The following DYTN variants were observed in gnomAD, a reference collection of about 807,000 sequenced individuals.
The protein encoded by DYTN is dystrotelin.
A neutral mutation model predicts 69.6 loss-of-function variants in DYTN; 75 were observed. The observed-to-expected ratio is 1.08, with a 90% CI of 0.89 to 1.31. DYTN has a LOEUF of 1.31. Ranked by LOEUF, DYTN falls within the 50% of genes most tolerant of loss-of-function variation. DYTN has a pLI of 0.00. For missense variants in DYTN, 726 were observed against 688.4 expected, an observed-to-expected ratio of 1.05 and a Z score of -0.61; for synonymous variants, 252 against 249.1, an observed-to-expected ratio of 1.01 and a Z score of -0.11.
At chr2:206,715,483 T>C (rs1392257274) in intron 1 of DYTN, among the ~76,000 whole-genome samples, 1 of 152,178 alleles carries the variant, frequency 6.6e-6, no homozygotes, top group Non-Finnish European at 1.5e-5. Context: ...GAGATAATTG[T>C]GTCTCCTTGG....
At chr2:206,654,564 A>G (rs1465650062) in intron 11 of DYTN, among the ~76,000 whole-genome samples, 1 of 152,164 alleles carries the variant, frequency 6.6e-6, no homozygotes, top group Non-Finnish European at 1.5e-5. Context: ...GGCTATTGGT[A>G]GTTAAGTTTT....
intron 9 of DYTN, among the ~76,000 whole-genome samples, chr2:206,679,484 G>A (rs746059617): frequency 5.3e-5 from 8 of 152,178 alleles, no homozygotes; most frequent in Non-Finnish European, 8.8e-5. Context: ...GACATTAGGA[G>A]TTATAAATGC....
chr2:206,674,967 C>T (rs1699667551), intron 9 of DYTN, among the ~76,000 whole-genome samples: 2 of 151,682 alleles, frequency 1.3e-5, no homozygotes, highest in Non-Finnish European at 2.9e-5. Context: ...GAAATGCCCC[C>T]ACTAAATCTA....
intron 5 of DYTN, among the ~76,000 whole-genome samples, chr2:206,701,825 G>A (rs758969400): frequency 6.6e-6 from 1 of 152,186 alleles, no homozygotes; most frequent in African/African-American, 2.4e-5. Context: ...GGTGGTGACA[G>A]ATGGGTTAAT....
chr2:206,657,379 A>G (rs1000604425), intron 11 of DYTN, among the ~76,000 whole-genome samples: 7 of 152,094 alleles, frequency 4.6e-5, no homozygotes, highest in East Asian at 3.9e-4. Flanking sequence ...ACTAGCTTCA[A>G]TCAGTTCCCT....
At position 206,662,229 on chromosome 2, in the gene DYTN, T is replaced by C. The variant is rs1256215590; in HGVS notation, c.1633+674A>G. On this transcript the variant is annotated intron_variant, in intron 11 of 11. Transcript: ENST00000452335. ...CATTTAAGGTAGGTCGGTTAAGCTA[T>C]AATGTTTGGTAGGTTAGGTATACTG... is the stretch of plus-strand genomic sequence containing the variant. 2.6e-5 allele frequency among the ~76,000 whole-genome samples: 4 copies of C among 152,376 alleles called. No homozygotes were observed. In the East Asian group the frequency reaches 5.8e-4, roughly 22 times the overall value.
At chr2:206,674,534 A>C (rs1699662122) in intron 9 of DYTN, among the ~76,000 whole-genome samples, 1 of 152,102 alleles carries the variant, frequency 6.6e-6, no homozygotes, top group Admixed American at 6.5e-5. Context: ...TGTTAGATAA[A>C]TTATTTCAAA....
intron 11 of DYTN, among the ~76,000 whole-genome samples, chr2:206,657,433 A>G (rs1212845757): frequency 6.6e-6 from 1 of 152,190 alleles, no homozygotes; most frequent in East Asian, 1.9e-4. Context: ...GTGAGCCACC[A>G]CATCCAGCCC....
chr2:206,700,726 T>A (rs903547872), intron 5 of DYTN, among the ~76,000 whole-genome samples: 1 of 152,160 alleles, frequency 6.6e-6, no homozygotes, highest in Non-Finnish European at 1.5e-5. Context: ...AAGCCCTGCG[T>A]GCATTAGGTA....
intron 2 of DYTN, among the ~76,000 whole-genome samples, chr2:206,709,019 G>A (rs1477193826): frequency 6.6e-6 from 1 of 151,922 alleles, no homozygotes. Context: ...ATAATTGGGG[G>A]TAAATTTTTA....
chr2:206,692,990 T>C (rs945390197), intron 9 of DYTN, among the ~76,000 whole-genome samples, 185 bp downstream of exon 9: 1 of 152,208 alleles, frequency 6.6e-6, no homozygotes, highest in African/African-American at 2.4e-5. Flanking sequence ...TGTTGTGGCC[T>C]CTTAGTTCTA....
At chr2:206,666,361 T>C (rs1699572569) in intron 9 of DYTN, among the ~76,000 whole-genome samples, 2 of 152,212 alleles carry the variant, frequency 1.3e-5, no homozygotes, top group Non-Finnish European at 2.9e-5. Flanking sequence ...TTGATCAATA[T>C]TGTTGACACT....
intron 2 of DYTN, among the ~76,000 whole-genome samples, chr2:206,709,220 G>A (rs931576990): frequency 2.0e-5 from 3 of 151,978 alleles, no homozygotes; most frequent in African/African-American, 4.8e-5. Context: ...GGCCACTGTG[G>A]GCAGATCAGT....
chr2:206,688,736 A>C (rs1415979998), intron 9 of DYTN, among the ~76,000 whole-genome samples: 1 of 152,198 alleles, frequency 6.6e-6, no homozygotes, highest in Non-Finnish European at 1.5e-5. Flanking sequence ...TAGTCTTCTC[A>C]TTTAGAAATT....
At chr2:206,700,377 G>A (rs1211370646) in intron 5 of DYTN, among the ~76,000 whole-genome samples, 161 bp from the exon 6 acceptor site, 1 of 152,176 alleles carries the variant, frequency 6.6e-6, no homozygotes, top group African/African-American at 2.4e-5. Flanking sequence ...AGAAATGCGT[G>A]GGTTTTGTGC....
chr2:206,665,966 T>C lies in DYTN; in HGVS notation c.1044A>G (p.Glu348=). The C allele has an allele frequency of 6.2e-7, 1 of 1,614,000 alleles. No individual in the cohort carries two copies. The highest frequency in any genetic ancestry group is 8.5e-7 in the Non-Finnish European group (1 of 1,179,878). The change falls in exon 10 of 12, where the codon GAA becomes GAG. Residue 348 remains glutamate (E), a synonymous_variant. Coordinates refer to ENST00000452335, the MANE Select transcript of DYTN (RefSeq NM_001093730.1). ...TTGTTTCAAATCGACAAATTCTTTCTTCCTGGGAGGTGTATATAGCTTGCA... is the reference window on the plus strand; with the variant it reads ...TTGTTTCAAATCGACAAATTCTTTCCTCCTGGGAGGTGTATATAGCTTGCA... The part of the protein sequence containing the change: ...DKLQAIYTSQ[E]ERICRFETRI...
intron 9 of DYTN, among the ~76,000 whole-genome samples, chr2:206,669,899 T>G (rs1699611779): frequency 6.6e-6 from 1 of 152,220 alleles, no homozygotes; most frequent in African/African-American, 2.4e-5. Flanking sequence ...TCATCATACA[T>G]ATATACATAG....
At chr2:206,694,040 A>G (rs188618905) in intron 8 of DYTN, among the ~76,000 whole-genome samples, 1 of 152,336 alleles carries the variant, frequency 6.6e-6, no homozygotes, top group East Asian at 1.9e-4. Flanking sequence ...TATCCTTGGC[A>G]AAGTTAATTA....
At chr2:206,692,585 C>T (rs1699876600) in intron 9 of DYTN, among the ~76,000 whole-genome samples, 1 of 151,972 alleles carries the variant, frequency 6.6e-6, no homozygotes, top group Non-Finnish European at 1.5e-5. Flanking sequence ...TTTTGGGGGG[C>T]AACATTTGGA....
Sources: gnomAD v4.1 joint callset for allele counts (sites outside exome capture counted in the v4.1 genomes callset) on GRCh38, gnomAD v4.1.1 for gene constraint, MANE v1.5 for transcripts, NCBI Gene and HGNC (gene_info 2026-07-23, HGNC 2026-07-21) for gene names.